MLYCD: variants seen among roughly 807,000 people sequenced by gnomAD.
MLYCD encodes malonyl-CoA decarboxylase, mitochondrial.
In MLYCD, 27 loss-of-function variants were observed where a neutral mutation model predicts 35.8. The observed-to-expected ratio is 0.75, with a 90% CI of 0.56 to 1.04. MLYCD has a LOEUF of 1.04. Among genes scored for constraint, MLYCD ranks in the 50% least tolerant of loss-of-function variants. The pLI is 0.00. For missense variants in MLYCD, 917 were observed against 665.1 expected (o/e 1.38, Z -4.17); for synonymous variants, 403 against 302.4 (o/e 1.33, Z -3.45).
intron 3 of MLYCD, among the ~76,000 whole-genome samples, chr16:83,910,289 A>G (rs1481891612): frequency 2.7e-5 from 4 of 150,700 alleles, no homozygotes; most frequent in African/African-American, 9.8e-5. Flanking sequence ...TACATACCTC[A>G]CTTGTATAAC....
chr16:83,911,745 C>T (rs570457629), intron 3 of MLYCD: 10 of 207,000 alleles, frequency 4.8e-5, no homozygotes, highest in Non-Finnish European at 9.9e-5. Flanking sequence ...CTTATAGCCT[C>T]TTGAGAAATT....
rs1907607256 is a variant in MLYCD, at chr16:83,920,244, T to A, written c.*4755T>A. 1 of 152,170 alleles carries A rather than the reference T, an allele frequency of 6.6e-6. No individual in the cohort carries two copies. Among genetic ancestry groups the A allele is most frequent in the Non-Finnish European group, 1.5e-5 (1 of 68,026 alleles). 9.4% of individuals were successfully genotyped at this position (152,170 alleles called of 1,614,324 possible). On this transcript the variant is annotated 3_prime_UTR_variant, in exon 5 of 5. Coordinates refer to ENST00000262430, the MANE Select transcript of MLYCD (RefSeq NM_012213.3). ...TCCCACAGCCATTCATAGAGCCCAT[T>A]CTGTTTGCGATAAAAACAGATCTCC...
At chr16:83,914,915 G>A (rs1177160178) in intron 4 of MLYCD, 41 bp from the exon 5 acceptor site, 1 of 1,614,016 alleles carries the variant, frequency 6.2e-7, no homozygotes, top group Non-Finnish European at 8.5e-7. Context: ...CTGAATTTGT[G>A]TTTTCTCCGC....
rs1471446295 is a variant in MLYCD at position 83,923,528 on chromosome 16, G to A, written c.*8039G>A. The A allele has an allele frequency of 2.6e-5, 4 of 152,358 alleles. No homozygotes were observed. The highest frequency in any genetic ancestry group is 2.1e-4 in the South Asian group (1 of 4,832). The allele number at this position is 152,358 out of a possible 1,614,324, so 9.4% of individuals were successfully genotyped here. The stretch of plus-strand genomic sequence containing the variant: ...GCCTGGCTAGTTCTTGATCATTGAG[G>A]AAGGCAGAGAGAAACGAGATTCTCT... On this transcript the variant is annotated 3_prime_UTR_variant, in exon 5 of 5. Transcript: ENST00000262430.
intron 2 of MLYCD, 63 bp downstream of exon 2, chr16:83,907,162 T>A: frequency 2.2e-6 from 3 of 1,362,776 alleles, no homozygotes; most frequent in Non-Finnish European, 3.1e-6. Context: ...GTGTATGTTT[T>A]ATATTGGCTA....
chr16:83,906,283 TG>T (rs202122349), intron 1 of MLYCD, among the ~76,000 whole-genome samples: 4,515 of 151,958 alleles, frequency 0.03, 135 homozygotes, highest in African/African-American at 0.078. Context: ...CCCAGCTACT[TG>T]GGGGGCTGAG....
In MLYCD at chr16:83,918,610, AGGAGAACACGGTGCACC is replaced by A. The variant is rs894378185; in HGVS notation, c.*3130_*3146del. The stretch of plus-strand genomic sequence containing the variant: ...GCACAGGAGAACACGCACAGTGCAC[AGGAGAACACGGTGCACC>A]GGAGAACATGCACACATGGTGCACA... On this transcript the variant is annotated 3_prime_UTR_variant, in exon 5 of 5. Coordinates refer to ENST00000262430, the MANE Select transcript of MLYCD (RefSeq NM_012213.3). 1.4e-5 allele frequency: 2 copies of A among 147,690 alleles called. No individual in the cohort carries two copies. The highest frequency in any genetic ancestry group is 3.0e-5 in the Non-Finnish European group (2 of 67,030). The allele number at this position is 147,690 out of a possible 1,614,324, so 9.1% of individuals were successfully genotyped here.
chr16:83,909,942 G>C (rs1388785990), intron 3 of MLYCD, among the ~76,000 whole-genome samples: 1 of 151,994 alleles, frequency 6.6e-6, no homozygotes, highest in African/African-American at 2.4e-5. Context: ...GCTGATATAG[G>C]TATTATTATG....
rs1205615849 is a variant in MLYCD, at chr16:83,917,837, C to A, written c.*2348C>A. On this transcript the variant is annotated 3_prime_UTR_variant, in exon 5 of 5. Transcript: ENST00000262430. Reference sequence around the variant, plus strand: ...TGGACAGATCACCCATTCTCGATCACTCCGGCAGCCTTTCGGATCCGGTGG... The same window carrying A: ...TGGACAGATCACCCATTCTCGATCAATCCGGCAGCCTTTCGGATCCGGTGG... The A allele has an allele frequency of 2.6e-5, 4 of 152,332 alleles. No homozygotes were observed. Among genetic ancestry groups the A allele is most frequent in the African/African-American group, 9.6e-5 (4 of 41,462 alleles). The allele number at this position is 152,332 out of a possible 1,614,324, so 9.4% of individuals were successfully genotyped here. A position where few individuals can be genotyped will look rare whatever the true frequency, so the allele number is the denominator to read the frequency against.
Position 83,926,641 on chromosome 16 carries a change from A to T in MLYCD, c.*11152A>T, listed in dbSNP as rs1219271599. The T allele has an allele frequency of 1.3e-5, 2 of 152,238 alleles. No homozygotes were observed. Among genetic ancestry groups the T allele is most frequent in the South Asian group, 2.1e-4 (1 of 4,832 alleles). The allele number at this position is 152,238 out of a possible 1,614,324, so 9.4% of individuals were successfully genotyped here. ...CTCCGATTTCGTCCTGTGAATGTTG[A>T]TATTAGTGGTCCCTTCCTTCAGGGG... On this transcript the variant is annotated 3_prime_UTR_variant, in exon 5 of 5. Transcript: ENST00000262430.
chr16:83,921,491 G>A lies in MLYCD; in HGVS notation c.*6002G>A, dbSNP rs1907652975. Reference sequence around the variant, plus strand: ...GTATATGGAAGGAAGATGGATGAATGATGGAAGATGGATGGATGGGGGACA... The same window carrying A: ...GTATATGGAAGGAAGATGGATGAATAATGGAAGATGGATGGATGGGGGACA... On this transcript the variant is annotated 3_prime_UTR_variant, in exon 5 of 5. Transcript: ENST00000262430. 1 of 151,766 alleles carries A rather than the reference G, an allele frequency of 6.6e-6. No homozygotes were observed. The highest frequency in any genetic ancestry group is 1.5e-5 in the Non-Finnish European group (1 of 67,940). The allele number at this position is 151,766 out of a possible 1,614,324, so 9.4% of individuals were successfully genotyped here. A position where few individuals can be genotyped will look rare whatever the true frequency, so the allele number is the denominator to read the frequency against.
chr16:83,906,593 G>A (rs758367250), intron 1 of MLYCD, among the ~76,000 whole-genome samples: 1 of 152,204 alleles, frequency 6.6e-6, no homozygotes, highest in African/African-American at 2.4e-5. Flanking sequence ...TGAGGACAGT[G>A]CTGTTGACAC....
chr16:83,908,866 G>T (rs1199334172), intron 3 of MLYCD, among the ~76,000 whole-genome samples: 2 of 152,160 alleles, frequency 1.3e-5, no homozygotes, highest in Admixed American at 6.5e-5. Context: ...CACATTGCAG[G>T]GTCTGGAAAT....
At position 83,915,076 on chromosome 16, in the gene MLYCD, G is replaced by C; in HGVS notation, c.1069G>C (p.Asp357His). The C allele has an allele frequency of 6.2e-7, 1 of 1,614,264 alleles. No homozygotes were observed. The highest frequency in any genetic ancestry group is 1.1e-5 in the South Asian group (1 of 91,090). The change falls in exon 5 of 5, where the codon GAT becomes CAT. Residue 357 changes from aspartate to histidine, a missense_variant. Coordinates refer to ENST00000262430, the MANE Select transcript of MLYCD (RefSeq NM_012213.3). ...KEHGRNELFT[D>H]SECKEISEIT... ...GCATGGGAGGAATGAACTCTTTACA[G>C]ATTCGGAATGTAAGGAAATCTCGGA...
In MLYCD at chr16:83,915,169, G is replaced by A; in HGVS notation, c.1162G>A (p.Glu388Lys). ...CAGCAGCAGCGAGTGGGTGCAGTCG[G>A]AGAAGCTGGTGCGGGCGCTGCAGAC... ...LLSSSEWVQSEKLVRALQTPL... is the reference protein window; with the variant it reads ...LLSSSEWVQSKKLVRALQTPL... The change falls in exon 5 of 5, where the codon GAG (glutamate) becomes AAG (lysine). Residue 388 changes from glutamate (E) to lysine (K), a missense_variant. Transcript: ENST00000262430. The A allele has an allele frequency of 6.2e-7, 1 of 1,614,180 alleles. No individual in the cohort carries two copies. Among genetic ancestry groups the A allele is most frequent in the Non-Finnish European group, 8.5e-7 (1 of 1,179,984 alleles).
rs746987855 is a variant in MLYCD, at chr16:83,899,346, T to G, written c.202T>G (p.Cys68Gly). ...EKTPAPAEGQ[C>G]ADFVSFYGGL... is the part of the protein sequence containing the mutation. ...GACACCGGCGCCCGCCGAGGGTCAG[T>G]GCGCGGACTTCGTGAGCTTCTACGG... Residue 68 changes from cysteine to glycine, a missense_variant, in exon 1 of 5, where the codon TGC becomes GGC. Physicochemically the swap from Cys to Gly is radical, Grantham distance 159 (BLOSUM62 -3). Transcript: ENST00000262430. 4 of 1,520,056 alleles carry G rather than the reference T, an allele frequency of 2.6e-6. No individual in the cohort carries two copies. The East Asian group carries it at 8.0e-5, about 30-fold the overall frequency. The allele number at this position is 1,520,056 out of a possible 1,614,324, so 94.2% of individuals were successfully genotyped here. A position where few individuals can be genotyped will look rare whatever the true frequency, so the allele number is the denominator to read the frequency against.
At chr16:83,903,511 C>G (rs755492450) in intron 1 of MLYCD, among the ~76,000 whole-genome samples, 1 of 151,996 alleles carries the variant, frequency 6.6e-6, no homozygotes, top group African/African-American at 2.4e-5. Flanking sequence ...GGCTTCTGGA[C>G]AAGGGAAGGT....
intron 1 of MLYCD, among the ~76,000 whole-genome samples, chr16:83,902,358 AT>A: frequency 6.6e-6 from 1 of 150,724 alleles, no homozygotes; most frequent in South Asian, 2.1e-4. Context: ...CCCAGATGTA[AT>A]TTTTTTAAAA....
At position 83,921,449 on chromosome 16, in the gene MLYCD, T is replaced by A. The variant is rs1459135779; in HGVS notation, c.*5960T>A. 1.8e-5 allele frequency: 2 copies of A among 108,454 alleles called. No individual in the cohort carries two copies. The highest frequency in any genetic ancestry group is 6.9e-5 in the African/African-American group (2 of 28,778). 6.7% of individuals were successfully genotyped at this position (108,454 alleles called of 1,614,324 possible). Reference sequence around the variant, plus strand: ...ATGGATGGATGGGTGGGTGGGTGGGTGGATGGATGGCGCAGGGTATATGGA... The same window carrying A: ...ATGGATGGATGGGTGGGTGGGTGGGAGGATGGATGGCGCAGGGTATATGGA... On this transcript the variant is annotated 3_prime_UTR_variant, in exon 5 of 5. Transcript: ENST00000262430.
Sources: gnomAD v4.1 joint callset for allele counts (sites outside exome capture counted in the v4.1 genomes callset) on GRCh38, gnomAD v4.1.1 for gene constraint, MANE v1.5 for transcripts, NCBI Gene and HGNC (gene_info 2026-07-23, HGNC 2026-07-21) for gene names.